STK3: variants seen among roughly 807,000 people sequenced by gnomAD.
The protein encoded by STK3 is serine/threonine-protein kinase 3.
STK3 carries 41 observed loss-of-function variants against 58.0 expected under a neutral mutation model. That is an observed-to-expected ratio of 0.71 (90% CI 0.55 to 0.92). The LOEUF is 0.92. Ranked by LOEUF, STK3 falls within the 40% of genes least tolerant of loss-of-function variation. The probability of loss-of-function intolerance (pLI) is 0.00; values close to 1 mark genes in which losing one functional copy is unlikely to be tolerated. For synonymous variants in STK3, 170 were observed against 191.0 expected (o/e 0.89, Z 0.91); for missense variants, 479 against 602.7 (o/e 0.79, Z 2.15).
intron 6 of STK3, among the ~76,000 whole-genome samples, chr8:98,630,467 C>T (rs1204202404): frequency 1.3e-5 from 2 of 152,014 alleles, no homozygotes; most frequent in African/African-American, 2.4e-5. Context: ...CACAATGAGA[C>T]CCCATCTCCA....
At chr8:98,540,776 A>G (rs985698307) in intron 9 of STK3, among the ~76,000 whole-genome samples, 3 of 146,476 alleles carry the variant, frequency 2.0e-5, no homozygotes, top group African/African-American at 7.7e-5. Context: ...GGGTAAGTGC[A>G]CTCTTTCGCA....
At chr8:98,883,894 C>A in intron 1 of STK3, 1 of 576,610 alleles carries the variant, frequency 1.7e-6, no homozygotes, top group Non-Finnish European at 3.1e-6. Context: ...GGGGCAGTCA[C>A]ATACAAATAG....
At chr8:98,763,438 C>T (rs1246207324) in intron 3 of STK3, among the ~76,000 whole-genome samples, 2 of 152,260 alleles carry the variant, frequency 1.3e-5, no homozygotes, top group Middle Eastern at 3.4e-3. Flanking sequence ...GAAAACAAGA[C>T]AATTTACCAA....
At chr8:98,521,826 C>T (rs972235756) in intron 10 of STK3, among the ~76,000 whole-genome samples, 2 of 152,120 alleles carry the variant, frequency 1.3e-5, no homozygotes, top group Admixed American at 1.3e-4. Context: ...ATCCATTTAT[C>T]AATGCTTAGA....
intron 6 of STK3, among the ~76,000 whole-genome samples, chr8:98,624,186 A>G (rs1222194159): frequency 6.6e-6 from 1 of 152,226 alleles, no homozygotes; most frequent in Non-Finnish European, 1.5e-5. Flanking sequence ...TTAGAAATCA[A>G]TCTTTTGGGG....
intron 8 of STK3, among the ~76,000 whole-genome samples, chr8:98,578,908 T>C (rs559831059): frequency 6.6e-6 from 1 of 152,230 alleles, no homozygotes; most frequent in Admixed American, 6.5e-5. Flanking sequence ...CCCAGCATTA[T>C]GGGAAGTTGA....
intron 8 of STK3, among the ~76,000 whole-genome samples, chr8:98,550,797 T>C (rs898006030): frequency 6.6e-6 from 1 of 152,152 alleles, no homozygotes; most frequent in Non-Finnish European, 1.5e-5. Context: ...GATTGATGAT[T>C]AAATAAAAAG....
chr8:98,425,516 C>A (rs2131062106), intron 3 of STK3, among the ~76,000 whole-genome samples: 1 of 152,330 alleles, frequency 6.6e-6, no homozygotes, highest in African/African-American at 2.4e-5. Flanking sequence ...CCCTACTATC[C>A]CTCTCCCATG....
At chr8:98,838,580 C>G (rs1406311764) in intron 3 of STK3, among the ~76,000 whole-genome samples, 1 of 152,184 alleles carries the variant, frequency 6.6e-6, no homozygotes, top group African/African-American at 2.4e-5. Flanking sequence ...CTGCAGTAAA[C>G]TCAGCTGCCC....
At chr8:98,529,778 C>T (rs77035162) in intron 9 of STK3, among the ~76,000 whole-genome samples, 1 of 152,106 alleles carries the variant, frequency 6.6e-6, no homozygotes, top group African/African-American at 2.4e-5. Flanking sequence ...AACAAAAGAA[C>T]AAAATACTGT....
At chr8:98,911,141 T>C (rs1043005156) in intron 1 of STK3, among the ~76,000 whole-genome samples, 1 of 152,248 alleles carries the variant, frequency 6.6e-6, no homozygotes, top group Admixed American at 6.5e-5. Context: ...GTTTGTTGCA[T>C]GTAATCTTGT....
At chr8:98,688,449 C>T (rs1260275408) in intron 6 of STK3, among the ~76,000 whole-genome samples, 1 of 152,136 alleles carries the variant, frequency 6.6e-6, no homozygotes, top group Admixed American at 6.5e-5. Flanking sequence ...GAATACTCTA[C>T]CAAACAACCA....
At chr8:98,663,616 C>A (rs184028277) in intron 6 of STK3, among the ~76,000 whole-genome samples, 1 of 152,248 alleles carries the variant, frequency 6.6e-6, no homozygotes, top group East Asian at 1.9e-4. Flanking sequence ...GACTTGGAAC[C>A]AACCCAAATG....
chr8:98,393,448 G>C (rs1586546611), intron 3 of STK3, among the ~76,000 whole-genome samples: 2 of 152,212 alleles, frequency 1.3e-5, no homozygotes, highest in South Asian at 2.1e-4. Context: ...CTCCCATCAA[G>C]AGGTGGACTC....
At chr8:98,453,270 G>A (rs1038805961), downstream of STK3, among the ~76,000 whole-genome samples, 5 of 149,906 alleles carry the variant, frequency 3.3e-5, no homozygotes, top group African/African-American at 1.2e-4. Flanking sequence ...TGTATTTTCA[G>A]TAGAGATGGG....
chr8:98,772,775 A>C (rs1331203223), intron 2 of STK3, among the ~76,000 whole-genome samples: 2 of 152,134 alleles, frequency 1.3e-5, no homozygotes, highest in Non-Finnish European at 2.9e-5. Context: ...TCACCATGTG[A>C]GACATCTGCT....
downstream of STK3, chr8:98,878,950 G>A (rs897874381): frequency 7.2e-6 from 1 of 139,024 alleles, no homozygotes; most frequent in Non-Finnish European, 1.5e-5. Context: ...CCAGGCTGGA[G>A]TGCAGTGGTG....
At chr8:98,589,413 G>A (rs1193741354) in intron 7 of STK3, among the ~76,000 whole-genome samples, 1 of 152,208 alleles carries the variant, frequency 6.6e-6, no homozygotes, top group Non-Finnish European at 1.5e-5. Context: ...GCTGCCCGGG[G>A]GTCAGGGGTC....
intron 3 of STK3, among the ~76,000 whole-genome samples, chr8:98,758,788 G>A (rs56227802): frequency 0.047 from 7,158 of 152,280 alleles, 277 homozygotes; most frequent in Non-Finnish European, 0.063. Flanking sequence ...ACATCTTCTG[G>A]ATAACTTGCT....
Sources: allele counts gnomAD v4.1 joint callset (sites outside exome capture counted in the v4.1 genomes callset), GRCh38; gene constraint gnomAD v4.1.1; transcripts MANE v1.5; gene names NCBI Gene and HGNC (gene_info 2026-07-23, HGNC 2026-07-21).